Variants in GTSE1 observed in about 807,000 individuals in gnomAD.
GTSE1 encodes G2 and S phase-expressed protein 1.
In GTSE1, 52 loss-of-function variants were observed where a neutral mutation model predicts 60.5. The ratio of observed to expected loss-of-function variants is 0.86; its 90% CI spans 0.69 to 1.08. The LOEUF (loss-of-function observed/expected upper bound fraction) is 1.08. Among genes scored for constraint, GTSE1 ranks in the 50% least tolerant of loss-of-function variants. GTSE1 has a pLI of 0.00. For synonymous variants in GTSE1, 368 were observed against 386.5 expected, an observed-to-expected ratio of 0.95 and a Z score of 0.56; for missense variants, 937 against 961.8, an observed-to-expected ratio of 0.97 and a Z score of 0.34.
chr22:46,326,723 CT>C, intron 9 of GTSE1, 69 bp downstream of exon 9: 1 of 1,080,528 alleles, frequency 9.3e-7, no homozygotes, highest in Non-Finnish European at 1.3e-6. Flanking sequence ...AGTGACATAC[CT>C]TTTTCTTGCC....
intron 2 of GTSE1, among the ~76,000 whole-genome samples, chr22:46,302,772 T>C (rs1316828985): frequency 6.6e-6 from 1 of 152,202 alleles, no homozygotes; most frequent in East Asian, 1.9e-4. Context: ...TTGTTTTTTT[T>C]CCATTAAGTC....
chr22:46,318,512 A>G lies in GTSE1; in HGVS notation c.1432+2100A>G, dbSNP rs2077793597. ...GCAGGCCTGCAGATCCTAGCACAAC[A>G]AAGGGACTAAGGGAAGATGGTGTCC... is the stretch of plus-strand genomic sequence containing the variant. On this transcript the variant is annotated intron_variant, in intron 7 of 11. Transcript: ENST00000454366. This position sits in a 1 kb window ranked among gnomAD's most constrained non-coding sequence, Gnocchi z 4.8. Among the ~76,000 whole-genome samples, 1 of 152,238 alleles carries G rather than the reference A, an allele frequency of 6.6e-6. No individual in the cohort carries two copies. Among genetic ancestry groups the G allele is most frequent in the Admixed American group, 6.5e-5 (1 of 15,282 alleles).
intron 3 of GTSE1, 43 bp from the exon 4 acceptor site, chr22:46,308,276 C>G: frequency 1.9e-6 from 3 of 1,605,772 alleles, no homozygotes; most frequent in Non-Finnish European, 2.6e-6. Context: ...CCTTTAAATG[C>G]CAGTGTTATG....
chr22:46,326,815 G>A, intron 9 of GTSE1, 161 bp downstream of exon 9: 1 of 570,324 alleles, frequency 1.8e-6, no homozygotes. Flanking sequence ...AAATGCAATA[G>A]ACATGAGCAT....
At chr22:46,298,330 CCAAGTCT>C (rs2077669459) in intron 2 of GTSE1, among the ~76,000 whole-genome samples, 1 of 151,636 alleles carries the variant, frequency 6.6e-6, no homozygotes, top group African/African-American at 2.4e-5. Context: ...CTTTTTGAGA[CCAAGTCT>C]CACTCTGTCT....
rs1047315085 is a variant in GTSE1, at chr22:46,321,154, C to T, written c.1433-2036C>T. ...GTGACCCAAGAATGTTCCCAAAAGA[C>T]AGGGATTATGGGATGACTTAGTCAC... On this transcript the variant is annotated intron_variant, in intron 7 of 11. Transcript: ENST00000454366. This position sits in a 1 kb window ranked among gnomAD's most constrained non-coding sequence, Gnocchi z 4.0. Among the ~76,000 whole-genome samples the T allele has an allele frequency of 1.3e-5, 2 of 152,046 alleles. No individual in the cohort carries two copies. Among genetic ancestry groups the T allele is most frequent in the Non-Finnish European group, 2.9e-5 (2 of 68,006 alleles).
At chr22:46,306,267 C>G (rs1346890288) in intron 2 of GTSE1, among the ~76,000 whole-genome samples, 1 of 140,700 alleles carries the variant, frequency 7.1e-6, no homozygotes, top group South Asian at 2.3e-4. Context: ...CTGCAAGCTC[C>G]GCCTCCCAGG....
In GTSE1 at chr22:46,304,210, C is replaced by T. The variant is rs2077704524; in HGVS notation, c.80-3940C>T. ...GTCTCGCTATGTTGCGAGGGCTGGC[C>T]TTGAACCCCTGGGCCTCAAGTGATC... On this transcript the variant is annotated intron_variant, in intron 2 of 11. Coordinates refer to ENST00000454366, the MANE Select transcript of GTSE1 (RefSeq NM_016426.7). This position sits in a 1 kb window ranked among gnomAD's most constrained non-coding sequence, Gnocchi z 4.4. Among the ~76,000 whole-genome samples the T allele has an allele frequency of 6.6e-6, 1 of 151,970 alleles. No individual in the cohort carries two copies. The highest frequency in any genetic ancestry group is 2.4e-5 in the African/African-American group (1 of 41,366).
chr22:46,330,382 T>C lies in GTSE1; in HGVS notation c.*252T>C. 1 of 391,648 alleles carries C rather than the reference T, an allele frequency of 2.6e-6. No homozygotes were observed. The highest frequency in any genetic ancestry group is 3.1e-5 in the South Asian group (1 of 31,962). 24.3% of individuals were successfully genotyped at this position (391,648 alleles called of 1,614,324 possible). A position where few individuals can be genotyped will look rare whatever the true frequency, so the allele number is the denominator to read the frequency against. Reference sequence around the variant, plus strand: ...CTGTAGTCCCAGCTACTTGGGAGGCTGAAGTGGGAGGATGGCCTGAGCTCA... The same window carrying C: ...CTGTAGTCCCAGCTACTTGGGAGGCCGAAGTGGGAGGATGGCCTGAGCTCA... On this transcript the variant is annotated 3_prime_UTR_variant, in exon 12 of 12. Coordinates refer to ENST00000454366, the MANE Select transcript of GTSE1 (RefSeq NM_016426.7). This position sits in a 1 kb window ranked among gnomAD's most constrained non-coding sequence, Gnocchi z 6.0.
chr22:46,308,421 G>A lies in GTSE1; in HGVS notation c.240G>A (p.Pro80=), dbSNP rs370968604. The stretch of plus-strand genomic sequence containing the variant: ...ATAATCCGGTTCCCGAACAGCCTCC[G>A]TTGCCCACATCTGAGAGTCCCTTTG... ...ELNNPVPEQP[P]LPTSESPFAW... is the part of the protein sequence containing the mutation. The change falls in exon 4 of 12, where the codon CCG becomes CCA. Residue 80 remains proline, a synonymous_variant. Transcript: ENST00000454366. 35 of 1,614,014 alleles carry A rather than the reference G, an allele frequency of 2.2e-5. No individual in the cohort carries two copies. The highest frequency in any genetic ancestry group is 1.1e-4 in the South Asian group (10 of 91,082).
At chr22:46,312,571 C>T (rs929766579) in intron 5 of GTSE1, among the ~76,000 whole-genome samples, 32 of 144,338 alleles carry the variant, frequency 2.2e-4, no homozygotes, top group South Asian at 1.1e-3. Flanking sequence ...CCCAGGAGGT[C>T]GAGGCTGCAG....
At position 46,316,489 on chromosome 22, in the gene GTSE1, A is replaced by G. The variant is rs760159833; in HGVS notation, c.1432+77A>G. 2.7e-5 allele frequency: 26 copies of G among 975,112 alleles called. No individual in the cohort carries two copies. Among genetic ancestry groups the G allele is most frequent in the Admixed American group, 2.5e-4 (11 of 43,170 alleles). The allele number at this position is 975,112 out of a possible 1,614,324, so 60.4% of individuals were successfully genotyped here. On this transcript the variant is annotated intron_variant, in intron 7 of 11. Coordinates refer to ENST00000454366, the MANE Select transcript of GTSE1 (RefSeq NM_016426.7). The surrounding 1 kb of genome is among the most constrained non-coding windows in gnomAD (Gnocchi z 5.0). ...CATTTAAAGTTTTAAACAATTATTG[A>G]TGGCATTGATGGTGTTTTTAGTTCT...
At chr22:46,326,795 T>C (rs1324830952) in intron 9 of GTSE1, 141 bp downstream of exon 9, 3 of 596,900 alleles carry the variant, frequency 5.0e-6, no homozygotes, top group Non-Finnish European at 8.6e-6. Flanking sequence ...TTTTTTTCAT[T>C]GCAAAGAGAA....
intron 8 of GTSE1, 110 bp from the exon 9 acceptor site, chr22:46,326,326 C>G: frequency 2.2e-6 from 2 of 903,366 alleles, no homozygotes; most frequent in Non-Finnish European, 3.3e-6. Context: ...TGGCTTGGCT[C>G]TTCTGGGCTG....
chr22:46,297,099 C>T lies in GTSE1; in HGVS notation c.-22+168C>T, dbSNP rs914643172. 1.3e-5 allele frequency among the ~76,000 whole-genome samples: 2 copies of T among 152,212 alleles called. No individual in the cohort carries two copies. Among genetic ancestry groups the T allele is most frequent in the Non-Finnish European group, 2.9e-5 (2 of 68,030 alleles). ...GCCGTGGTCGGGGATGCCGGGAGGTCTAGGGCTGCCCCCCAGGCAAACAGA... is the reference window on the plus strand; with the variant it reads ...GCCGTGGTCGGGGATGCCGGGAGGTTTAGGGCTGCCCCCCAGGCAAACAGA... On this transcript the variant is annotated intron_variant, in intron 1 of 11. Coordinates refer to ENST00000454366, the MANE Select transcript of GTSE1 (RefSeq NM_016426.7). The surrounding 1 kb of genome is among the most constrained non-coding windows in gnomAD (Gnocchi z 4.9).
At position 46,312,162 on chromosome 22, in the gene GTSE1, A is replaced by C. The variant is rs768646258; in HGVS notation, c.784A>C (p.Ser262Arg). The C allele has an allele frequency of 1.2e-6, 2 of 1,613,612 alleles. No individual in the cohort carries two copies. Among genetic ancestry groups the C allele is most frequent in the South Asian group, 2.2e-5 (2 of 91,028 alleles). The change falls in exon 5 of 12, where the codon AGT (serine) becomes CGT (arginine). Residue 262 changes from serine (S) to arginine (R), a missense_variant. Transcript: ENST00000454366. ...TCAGCCCAAGAAAGAGATTCCAGCT[A>C]GTCCTTCCAGGACAAAAATCCCAGC... is the stretch of plus-strand genomic sequence containing the variant. Reference protein sequence around the residue: ...AEKPKKEIPASPSRTKIPAEK... With the variant: ...AEKPKKEIPARPSRTKIPAEK...
Position 46,308,949 on chromosome 22 carries a change from T to C in GTSE1, c.762+6T>C. 6.2e-7 allele frequency: 1 copy of C among 1,604,062 alleles called. No individual in the cohort carries two copies. The highest frequency in any genetic ancestry group is 1.7e-5 in the Admixed American group (1 of 59,370). Reference sequence around the variant, plus strand: ...TCCCTGGGGCTGCGGAGAAGGTAAATGCCACAGCAGAGCGCCTGCCTGGGG... The same window carrying C: ...TCCCTGGGGCTGCGGAGAAGGTAAACGCCACAGCAGAGCGCCTGCCTGGGG... On this transcript the variant is annotated splice_donor_region_variant and intron_variant, in intron 4 of 11. Coordinates refer to ENST00000454366, the MANE Select transcript of GTSE1 (RefSeq NM_016426.7).
chr22:46,304,243 G>A lies in GTSE1; in HGVS notation c.80-3907G>A, dbSNP rs1035240695. Among the ~76,000 whole-genome samples, 1 of 151,970 alleles carries A rather than the reference G, an allele frequency of 6.6e-6. No homozygotes were observed. The highest frequency in any genetic ancestry group is 2.1e-4 in the South Asian group (1 of 4,824). On this transcript the variant is annotated intron_variant, in intron 2 of 11. Coordinates refer to ENST00000454366, the MANE Select transcript of GTSE1 (RefSeq NM_016426.7). This position sits in a 1 kb window ranked among gnomAD's most constrained non-coding sequence, Gnocchi z 4.4. ...CCTGGGCCTCAAGTGATCCTCCTTG[G>A]CCTCCCATAGTGCTGGGATTACAGG...
chr22:46,319,237 G>A lies in GTSE1; in HGVS notation c.1432+2825G>A, dbSNP rs2077798546. ...CAGAGCGGACCCTGGAGTACCGTCA[G>A]TGCAGGAGGACGTGCATAGGAGAGA... On this transcript the variant is annotated intron_variant, in intron 7 of 11. Coordinates refer to ENST00000454366, the MANE Select transcript of GTSE1 (RefSeq NM_016426.7). The surrounding 1 kb of genome is among the most constrained non-coding windows in gnomAD (Gnocchi z 5.0). Among the ~76,000 whole-genome samples, 1 of 152,196 alleles carries A rather than the reference G, an allele frequency of 6.6e-6. No individual in the cohort carries two copies. The highest frequency in any genetic ancestry group is 6.5e-5 in the Admixed American group (1 of 15,286).
Sources: allele counts gnomAD v4.1 joint callset (sites outside exome capture counted in the v4.1 genomes callset), GRCh38; gene constraint gnomAD v4.1.1; non-coding constraint Gnocchi (gnomAD v3.1); transcripts MANE v1.5; gene names NCBI Gene and HGNC (gene_info 2026-07-23, HGNC 2026-07-21).